The following PHACTR1 variants were observed in gnomAD, a reference collection of about 807,000 sequenced individuals.
The protein encoded by PHACTR1 is phosphatase and actin regulator 1, also known as RPEL repeat containing 1.
A neutral mutation model predicts 69.2 loss-of-function variants in PHACTR1; 16 were observed. The ratio of observed to expected loss-of-function variants is 0.23; its 90% CI spans 0.16 to 0.35. The LOEUF (loss-of-function observed/expected upper bound fraction) is 0.35. Ranked by LOEUF, PHACTR1 falls within the 10% of genes least tolerant of loss-of-function variation. PHACTR1 has a pLI of 1.00. For missense variants in PHACTR1, 510 were observed against 734.7 expected (o/e 0.69, Z 3.54); for synonymous variants, 312 against 284.5 (o/e 1.10, Z -0.97).
intron 5 of PHACTR1, among the ~76,000 whole-genome samples, chr6:13,116,796 G>A (rs1377331745): frequency 6.6e-6 from 1 of 152,154 alleles, no homozygotes; most frequent in Non-Finnish European, 1.5e-5. Context: ...TTTTATTTGA[G>A]TGATCTCATT....
chr6:13,118,801 A>G (rs1431394294), intron 5 of PHACTR1, among the ~76,000 whole-genome samples: 1 of 152,128 alleles, frequency 6.6e-6, no homozygotes, highest in Non-Finnish European at 1.5e-5. Flanking sequence ...GAAGGGCAGC[A>G]TGGCGCAGTG....
intron 3 of PHACTR1, among the ~76,000 whole-genome samples, chr6:12,734,118 A>G (rs1405461683): frequency 6.6e-6 from 1 of 152,178 alleles, no homozygotes; most frequent in African/African-American, 2.4e-5. Flanking sequence ...AGCAACGAAC[A>G]TTTGTTTCCC....
At chr6:13,061,388 CA>C (rs1413893293) in intron 5 of PHACTR1, among the ~76,000 whole-genome samples, 1 of 152,070 alleles carries the variant, frequency 6.6e-6, no homozygotes, top group Non-Finnish European at 1.5e-5. Context: ...AGGAAAGGTC[CA>C]GGGGGTTCAG....
At chr6:12,808,824 T>TTCCCCC (rs1774670382) in intron 4 of PHACTR1, among the ~76,000 whole-genome samples, 1 of 149,426 alleles carries the variant, frequency 6.7e-6, no homozygotes, top group Non-Finnish European at 1.5e-5. Flanking sequence ...TCTTATCCCC[T>TTCCCCC]TCCCCCTCCC....
chr6:13,026,483 G>A (rs1157890967), intron 4 of PHACTR1, among the ~76,000 whole-genome samples: 2 of 152,156 alleles, frequency 1.3e-5, no homozygotes, highest in Non-Finnish European at 2.9e-5. Context: ...TATGTAGGAG[G>A]TATCTGGAGA....
chr6:12,866,939 C>G (rs976555465), intron 4 of PHACTR1, among the ~76,000 whole-genome samples: 2 of 152,092 alleles, frequency 1.3e-5, no homozygotes, highest in African/African-American at 4.8e-5. Flanking sequence ...TGCCATTTTG[C>G]AAAATGCTTT....
intron 3 of PHACTR1, among the ~76,000 whole-genome samples, chr6:12,723,391 A>T (rs1216424052): frequency 6.6e-6 from 1 of 152,164 alleles, no homozygotes; most frequent in African/African-American, 2.4e-5. Flanking sequence ...CTGCATTTTA[A>T]CAAAATCTCC....
At chr6:12,990,050 A>T (rs538087897) in intron 4 of PHACTR1, among the ~76,000 whole-genome samples, 2 of 151,798 alleles carry the variant, frequency 1.3e-5, no homozygotes, top group Non-Finnish European at 2.9e-5. Flanking sequence ...TCCTCAGAGG[A>T]CTCTTGTGGC....
At chr6:13,201,456 A>G (rs1765223476) in intron 7 of PHACTR1, among the ~76,000 whole-genome samples, 1 of 152,214 alleles carries the variant, frequency 6.6e-6, no homozygotes. Context: ...AGTAGAGTCC[A>G]GACAGAGTCA....
chr6:12,728,737 T>C (rs1480661832), intron 3 of PHACTR1, among the ~76,000 whole-genome samples: 2 of 152,202 alleles, frequency 1.3e-5, no homozygotes, highest in Admixed American at 1.3e-4. Flanking sequence ...ATAATAATCA[T>C]GTATTTATTT....
At chr6:13,052,669 A>G (rs1806135271) in intron 4 of PHACTR1, among the ~76,000 whole-genome samples, 1 of 152,204 alleles carries the variant, frequency 6.6e-6, no homozygotes, top group Non-Finnish European at 1.5e-5. Flanking sequence ...TATTGGGATT[A>G]GCATAGATTT....
intron 5 of PHACTR1, among the ~76,000 whole-genome samples, chr6:13,151,621 G>A (rs1344214026): frequency 1.3e-5 from 2 of 152,184 alleles, no homozygotes; most frequent in East Asian, 1.9e-4. Context: ...CCATGAAATG[G>A]CATGCAGTAC....
intron 4 of PHACTR1, among the ~76,000 whole-genome samples, chr6:12,779,245 G>A (rs1770499513): frequency 6.6e-6 from 1 of 152,218 alleles, no homozygotes; most frequent in Non-Finnish European, 1.5e-5. Context: ...TGAGGCAGGA[G>A]AATCGCTTGA....
In PHACTR1 at chr6:13,220,467, CT is replaced by C. The variant is rs35306765; in HGVS notation, c.987-7347del. ...ATCTCATCAAGCTTAATGACGTCAC[CT>C]TACAAAGCAGCCTAACTTTGGACAG... is the stretch of plus-strand genomic sequence containing the variant. On this transcript the variant is annotated intron_variant, in intron 8 of 14. Coordinates refer to ENST00000332995, the MANE Select transcript of PHACTR1 (RefSeq NM_030948.6). Among the ~76,000 whole-genome samples, 4 of 152,122 alleles carry C rather than the reference CT, an allele frequency of 2.6e-5. No homozygotes were observed. In the South Asian group the frequency reaches 8.3e-4, roughly 32 times the overall value.
At chr6:13,034,297 G>A (rs764067855) in intron 4 of PHACTR1, among the ~76,000 whole-genome samples, 50 of 152,160 alleles carry the variant, frequency 3.3e-4, no homozygotes, top group Non-Finnish European at 6.0e-4. Context: ...GATTACAGGC[G>A]TGAGCCACCA....
At chr6:12,977,204 G>A (rs1009360621) in intron 4 of PHACTR1, among the ~76,000 whole-genome samples, 1 of 152,036 alleles carries the variant, frequency 6.6e-6, no homozygotes, top group Admixed American at 6.6e-5. Flanking sequence ...CACCTGCCTC[G>A]GCCTTCCAAA....
At chr6:12,845,207 A>G (rs1779083489) in intron 4 of PHACTR1, among the ~76,000 whole-genome samples, 1 of 152,206 alleles carries the variant, frequency 6.6e-6, no homozygotes. Context: ...TGCATGATTT[A>G]TAAGAGGGAA....
intron 13 of PHACTR1, among the ~76,000 whole-genome samples, chr6:13,284,377 C>T (rs11753348): frequency 1.3e-5 from 2 of 151,226 alleles, no homozygotes; most frequent in Non-Finnish European, 2.9e-5. Flanking sequence ...ATTAGCCGGG[C>T]GTGATGGCAC....
At chr6:13,277,103 A>G (rs1377643357) in intron 11 of PHACTR1, among the ~76,000 whole-genome samples, 6 of 152,250 alleles carry the variant, frequency 3.9e-5, no homozygotes, top group Non-Finnish European at 2.9e-5. Flanking sequence ...GCTTCCACAG[A>G]TATCAAGGAA....
Sources: allele counts gnomAD v4.1 joint callset (sites outside exome capture counted in the v4.1 genomes callset), GRCh38; gene constraint gnomAD v4.1.1; transcripts MANE v1.5; gene names NCBI Gene and HGNC (gene_info 2026-07-23, HGNC 2026-07-21).